CHRM3: variants seen among roughly 807,000 people sequenced by gnomAD.
CHRM3 encodes the protein muscarinic acetylcholine receptor M3.
Under a neutral mutation model 41.8 loss-of-function variants are expected in CHRM3, and 11 were observed. The observed-to-expected ratio is 0.26, with a 90% CI of 0.17 to 0.44. The LOEUF (loss-of-function observed/expected upper bound fraction) is 0.44, where lower values mean the gene tolerates loss of function less well. Ranked by LOEUF, CHRM3 falls within the 20% of genes least tolerant of loss-of-function variation. The pLI is 1.00. For synonymous variants in CHRM3, 297 were observed against 301.4 expected, an observed-to-expected ratio of 0.99 and a Z score of 0.15; for missense variants, 571 against 745.4, an observed-to-expected ratio of 0.77 and a Z score of 2.72.
intron 5 of CHRM3, among the ~76,000 whole-genome samples, chr1:239,775,014 A>T (rs1022000233): frequency 6.6e-6 from 1 of 152,166 alleles, no homozygotes; most frequent in Non-Finnish European, 1.5e-5. Context: ...AAGAACTACT[A>T]TATAGTCTTT....
At chr1:239,492,516 G>A (rs564768493) in intron 1 of CHRM3, among the ~76,000 whole-genome samples, 193 bp from the exon 2 acceptor site, 22 of 152,246 alleles carry the variant, frequency 1.4e-4, no homozygotes, top group Non-Finnish European at 2.8e-4. Context: ...TGGATATGGC[G>A]GGAAACAGAG....
intron 3 of CHRM3, among the ~76,000 whole-genome samples, chr1:239,594,423 A>C (rs188921470): frequency 1.3e-5 from 2 of 152,228 alleles, no homozygotes; most frequent in African/African-American, 4.8e-5. Flanking sequence ...CCATACGACA[A>C]TATCATTATT....
At chr1:239,518,024 TG>T (rs1669387103) in intron 2 of CHRM3, among the ~76,000 whole-genome samples, 1 of 152,234 alleles carries the variant, frequency 6.6e-6, no homozygotes, top group African/African-American at 2.4e-5. Flanking sequence ...AAGAATCGTT[TG>T]AACCTGGGAG....
At chr1:239,598,076 G>C (rs751930645) in intron 3 of CHRM3, among the ~76,000 whole-genome samples, 7 of 151,970 alleles carry the variant, frequency 4.6e-5, no homozygotes, top group Admixed American at 2.0e-4. Context: ...CAGGGCCAGG[G>C]GTCCTGAAGG....
At chr1:239,905,576 C>T (rs1281522942) in intron 6 of CHRM3, among the ~76,000 whole-genome samples, 2 of 152,046 alleles carry the variant, frequency 1.3e-5, no homozygotes, top group Non-Finnish European at 2.9e-5. Flanking sequence ...CAAGGTGACA[C>T]ATGTCTGTAA....
chr1:239,902,816 G>A (rs1679682096), intron 6 of CHRM3, among the ~76,000 whole-genome samples: 1 of 152,094 alleles, frequency 6.6e-6, no homozygotes, highest in African/African-American at 2.4e-5. Flanking sequence ...GTATCACATG[G>A]GTAAGCAAAT....
intron 5 of CHRM3, among the ~76,000 whole-genome samples, chr1:239,763,503 T>C (rs965536854): frequency 2.6e-5 from 4 of 152,142 alleles, no homozygotes; most frequent in Non-Finnish European, 4.4e-5. Context: ...ACAACATCAC[T>C]TAAATATAGA....
intron 5 of CHRM3, among the ~76,000 whole-genome samples, chr1:239,790,651 A>G (rs1204552567): frequency 6.6e-6 from 1 of 152,204 alleles, no homozygotes; most frequent in Non-Finnish European, 1.5e-5. Context: ...GACCACTACA[A>G]TCAGTTTCCC....
At chr1:239,787,483 G>C (rs1205644061) in intron 5 of CHRM3, among the ~76,000 whole-genome samples, 1 of 152,138 alleles carries the variant, frequency 6.6e-6, no homozygotes, top group African/African-American at 2.4e-5. Flanking sequence ...GCCGAAACAA[G>C]AACTCCCAGT....
At chr1:239,769,538 T>C (rs1272495209) in intron 5 of CHRM3, among the ~76,000 whole-genome samples, 2 of 152,220 alleles carry the variant, frequency 1.3e-5, no homozygotes, top group East Asian at 1.9e-4. Flanking sequence ...CCATTGACTT[T>C]GTCGCTGTAG....
At chr1:239,891,571 T>C (rs1165291469) in intron 6 of CHRM3, among the ~76,000 whole-genome samples, 3 of 152,132 alleles carry the variant, frequency 2.0e-5, no homozygotes, top group Non-Finnish European at 4.4e-5. Context: ...AATATACATA[T>C]TTAATAAGCT....
intron 3 of CHRM3, among the ~76,000 whole-genome samples, chr1:239,590,479 A>T (rs1664004075): frequency 6.6e-6 from 1 of 152,220 alleles, no homozygotes; most frequent in Non-Finnish European, 1.5e-5. Context: ...GTTCTCCTGA[A>T]TGTGGGTATA....
intron 5 of CHRM3, among the ~76,000 whole-genome samples, chr1:239,757,624 C>T (rs1391946220): frequency 1.4e-5 from 2 of 142,860 alleles, no homozygotes; most frequent in African/African-American, 5.0e-5. Context: ...AGTGAGACTC[C>T]GTCTCAGAAA....
chr1:239,546,533 T>C (rs933729690), intron 3 of CHRM3: 4 of 152,206 alleles, frequency 2.6e-5, no homozygotes, highest in Non-Finnish European at 5.9e-5. Flanking sequence ...CTATTTTATA[T>C]GCTACTTGCC....
At chr1:239,604,356 G>A (rs776942194) in intron 3 of CHRM3, among the ~76,000 whole-genome samples, 2 of 149,340 alleles carry the variant, frequency 1.3e-5, no homozygotes, top group East Asian at 2.0e-4. Flanking sequence ...GAGTATTGCC[G>A]TAATATTCAA....
intron 5 of CHRM3, among the ~76,000 whole-genome samples, chr1:239,777,045 A>G (rs1040215753): frequency 1.3e-5 from 2 of 152,174 alleles, no homozygotes; most frequent in African/African-American, 4.8e-5. Flanking sequence ...AACCATATCA[A>G]TAGTATATCC....
chr1:239,672,434 C>T (rs548096468), intron 4 of CHRM3, among the ~76,000 whole-genome samples: 6 of 152,268 alleles, frequency 3.9e-5, no homozygotes, highest in African/African-American at 1.4e-4. Context: ...ATGCAAATGG[C>T]ATGCATGCAA....
chr1:239,808,938 T>C (rs952311843), intron 5 of CHRM3, among the ~76,000 whole-genome samples: 1 of 151,934 alleles, frequency 6.6e-6, no homozygotes, highest in African/African-American at 2.4e-5. Context: ...TGTTACTTTT[T>C]ACAAAAGGAA....
chr1:239,484,534 T>TA (rs1667063415), intron 1 of CHRM3, among the ~76,000 whole-genome samples: 1 of 151,968 alleles, frequency 6.6e-6, no homozygotes, highest in Non-Finnish European at 1.5e-5. Flanking sequence ...AGAACACTGT[T>TA]ATTAGAATGG....
Sources: allele counts gnomAD v4.1 joint callset (sites outside exome capture counted in the v4.1 genomes callset), GRCh38; gene constraint gnomAD v4.1.1; transcripts MANE v1.5; gene names NCBI Gene and HGNC (gene_info 2026-07-23, HGNC 2026-07-21).